The following TMEM117 variants were observed in gnomAD, a reference collection of about 807,000 sequenced individuals.
TMEM117 encodes the protein transmembrane protein 117.
TMEM117 carries 27 observed loss-of-function variants against 52.4 expected under a neutral mutation model. That is an observed-to-expected ratio of 0.51 (90% confidence interval 0.38 to 0.71). The LOEUF (loss-of-function observed/expected upper bound fraction) is 0.71. TMEM117 is among the 30% of genes least tolerant of loss of function. The pLI is 0.00. For synonymous variants in TMEM117, 215 were observed against 206.3 expected, an observed-to-expected ratio of 1.04 and a Z score of -0.36; for missense variants, 556 against 630.5, an observed-to-expected ratio of 0.88 and a Z score of 1.26.
At chr12:44,125,636 A>G (rs1353831267) in intron 3 of TMEM117, among the ~76,000 whole-genome samples, 4 of 151,924 alleles carry the variant, frequency 2.6e-5, no homozygotes, top group Admixed American at 1.3e-4. Context: ...CTAGTGGTCT[A>G]TCTGTTTTAT....
intron 3 of TMEM117, among the ~76,000 whole-genome samples, chr12:43,959,671 G>A (rs1198746830): frequency 2.6e-5 from 4 of 152,048 alleles, no homozygotes; most frequent in Non-Finnish European, 5.9e-5. Context: ...GTTTACACCG[G>A]TAGCTTCCTT....
intron 3 of TMEM117, among the ~76,000 whole-genome samples, chr12:43,989,670 C>T: frequency 6.6e-6 from 1 of 151,986 alleles, no homozygotes; most frequent in East Asian, 1.9e-4. Flanking sequence ...CTGTACTTAG[C>T]TGTTTAAGCC....
the TMEM117 span, chr12:43,800,497 C>T: frequency 2.5e-6 from 4 of 1,613,632 alleles, no homozygotes; most frequent in Non-Finnish European, 3.4e-6. Context: ...TTCAGAGTTG[C>T]TCTTGTTGCT....
chr12:43,831,758 G>A (rs1313814735), upstream of TMEM117, among the ~76,000 whole-genome samples: 3 of 152,016 alleles, frequency 2.0e-5, no homozygotes, highest in Admixed American at 2.0e-4. Flanking sequence ...TGGCCAGGCT[G>A]GTCTTGAACT....
At chr12:44,220,734 G>T (rs1949777953) in intron 5 of TMEM117, among the ~76,000 whole-genome samples, 1 of 152,094 alleles carries the variant, frequency 6.6e-6, no homozygotes, top group South Asian at 2.1e-4. Context: ...AAGTAAGGAA[G>T]TGTTCAAAAA....
At chr12:44,268,520 A>G (rs1950407242) in intron 5 of TMEM117, among the ~76,000 whole-genome samples, 1 of 152,134 alleles carries the variant, frequency 6.6e-6, no homozygotes, top group Non-Finnish European at 1.5e-5. Context: ...GTATGAGTTT[A>G]TCATATATAG....
intron 4 of TMEM117, among the ~76,000 whole-genome samples, chr12:44,152,002 TATA>T (rs1330313838): frequency 3.3e-5 from 4 of 122,518 alleles, no homozygotes; most frequent in East Asian, 2.2e-4. Flanking sequence ...TTATTATAAA[TATA>T]ATATATATTA....
chr12:44,240,484 A>T (rs1452182832), intron 5 of TMEM117, among the ~76,000 whole-genome samples: 1 of 152,066 alleles, frequency 6.6e-6, no homozygotes, highest in Non-Finnish European at 1.5e-5. Flanking sequence ...CAGATATTGC[A>T]ACAATTGGTG....
intron 3 of TMEM117, among the ~76,000 whole-genome samples, chr12:44,087,041 A>G (rs954729022): frequency 6.8e-6 from 1 of 146,732 alleles, no homozygotes; most frequent in African/African-American, 2.5e-5. Flanking sequence ...TTATATAATT[A>G]TAAATTATAA....
intron 3 of TMEM117, among the ~76,000 whole-genome samples, chr12:44,106,208 T>G (rs1186069066): frequency 6.6e-6 from 1 of 152,052 alleles, no homozygotes; most frequent in Non-Finnish European, 1.5e-5. Context: ...TGTTCACCTT[T>G]TTTAACTTGC....
intron 4 of TMEM117, among the ~76,000 whole-genome samples, chr12:44,203,337 T>C (rs958431121): frequency 1.8e-4 from 27 of 152,150 alleles, no homozygotes; most frequent in African/African-American, 5.8e-4. Context: ...TGTGTTGATT[T>C]AAATCTCTCT....
At chr12:44,139,271 A>G (rs929306854) in intron 3 of TMEM117, among the ~76,000 whole-genome samples, 1 of 152,170 alleles carries the variant, frequency 6.6e-6, no homozygotes, top group Non-Finnish European at 1.5e-5. Flanking sequence ...CCACTTATGT[A>G]TGACTAATAG....
intron 4 of TMEM117, among the ~76,000 whole-genome samples, chr12:44,145,599 C>T (rs1408752463): frequency 6.6e-6 from 1 of 152,178 alleles, no homozygotes; most frequent in East Asian, 1.9e-4. Flanking sequence ...ATCACTTTAG[C>T]TTGGCTCAGT....
intron 3 of TMEM117, among the ~76,000 whole-genome samples, chr12:44,051,683 C>T (rs915104621): frequency 7.2e-5 from 11 of 152,072 alleles, no homozygotes; most frequent in African/African-American, 2.4e-4. Flanking sequence ...AAAATGGTAA[C>T]GAGACTGTGT....
chr12:44,122,001 G>T (rs1207214534), intron 3 of TMEM117, among the ~76,000 whole-genome samples: 1 of 151,304 alleles, frequency 6.6e-6, no homozygotes, highest in African/African-American at 2.4e-5. Flanking sequence ...ATAGCCTCCA[G>T]CTCCATCCAT....
chr12:43,888,211 T>G (rs1944032607), intron 2 of TMEM117, among the ~76,000 whole-genome samples: 1 of 152,216 alleles, frequency 6.6e-6, no homozygotes, highest in African/African-American at 2.4e-5. Flanking sequence ...CAGTATTGTT[T>G]CAAGGATTAA....
intron 3 of TMEM117, among the ~76,000 whole-genome samples, chr12:44,119,567 T>C (rs112578811): frequency 2.0e-5 from 3 of 152,334 alleles, no homozygotes; most frequent in African/African-American, 7.2e-5. Flanking sequence ...CTCATGATTC[T>C]TATTGCAGTT....
intron 5 of TMEM117, among the ~76,000 whole-genome samples, chr12:44,268,195 T>G (rs1324072084): frequency 6.6e-6 from 1 of 151,984 alleles, no homozygotes; most frequent in African/African-American, 2.4e-5. Context: ...TGGAGTGCAA[T>G]GACGTGATCT....
intron 6 of TMEM117, among the ~76,000 whole-genome samples, chr12:44,351,310 C>G (rs1464791332): frequency 6.6e-6 from 1 of 151,906 alleles, no homozygotes; most frequent in Non-Finnish European, 1.5e-5. Context: ...TGTGAGTTGT[C>G]TCTTCACTTT....
Sources: allele counts gnomAD v4.1 joint callset (sites outside exome capture counted in the v4.1 genomes callset), GRCh38; gene constraint gnomAD v4.1.1; transcripts MANE v1.5; gene names NCBI Gene and HGNC (gene_info 2026-07-23, HGNC 2026-07-21).